FLRT2: variants seen among roughly 807,000 people sequenced by gnomAD.
The protein encoded by FLRT2 is fibronectin leucine rich transmembrane protein 2.
Under a neutral mutation model 40.0 loss-of-function variants are expected in FLRT2, and 15 were observed. That is an observed-to-expected ratio of 0.38 (90% confidence interval 0.25 to 0.58). FLRT2 has a LOEUF of 0.58. FLRT2 is among the 20% of genes least tolerant of loss of function. The pLI, the probability that FLRT2 is intolerant of heterozygous loss-of-function variation, is 0.71. For synonymous variants in FLRT2, 380 were observed against 336.8 expected (o/e 1.13, Z -1.41); for missense variants, 726 against 840.0 (o/e 0.86, Z 1.68).
At chr14:85,581,799 C>T (rs1054048682) in intron 1 of FLRT2, among the ~76,000 whole-genome samples, 1 of 152,114 alleles carries the variant, frequency 6.6e-6, no homozygotes, top group Non-Finnish European at 1.5e-5. Flanking sequence ...TCTTGACCCA[C>T]GTTTCATTTG....
intron 1 of FLRT2, among the ~76,000 whole-genome samples, chr14:85,532,505 G>C (rs937420305): frequency 6.6e-6 from 1 of 152,156 alleles, no homozygotes; most frequent in Admixed American, 6.5e-5. Flanking sequence ...AAGTGGAAAC[G>C]TTGCCTGTAC....
At chr14:85,595,025 T>C (rs1325352958) in intron 1 of FLRT2, among the ~76,000 whole-genome samples, 2 of 152,222 alleles carry the variant, frequency 1.3e-5, no homozygotes, top group Non-Finnish European at 2.9e-5. Flanking sequence ...TATCCTCATC[T>C]TCTTCACATT....
intron 1 of FLRT2, among the ~76,000 whole-genome samples, chr14:85,608,754 C>G (rs1892736656): frequency 1.3e-5 from 2 of 152,198 alleles, no homozygotes; most frequent in South Asian, 4.1e-4. Flanking sequence ...CGACCCTTCT[C>G]TTCTTGGAGG....
rs1595107269 is a variant in FLRT2 at position 85,632,786 on chromosome 14, T to C, written c.*9289T>C. On this transcript the variant is annotated 3_prime_UTR_variant, in exon 2 of 2. Coordinates refer to ENST00000330753, the MANE Select transcript of FLRT2 (RefSeq NM_013231.6). Reference sequence around the variant, plus strand: ...TAAAGAAGGGAGTGGAGAGTGGTAGTTATTAAGAAATCAGTTTGAAATCAA... The same window carrying C: ...TAAAGAAGGGAGTGGAGAGTGGTAGCTATTAAGAAATCAGTTTGAAATCAA... 1.3e-5 allele frequency: 2 copies of C among 152,238 alleles called. No homozygotes were observed. Among genetic ancestry groups the C allele is most frequent in the East Asian group, 3.9e-4 (2 of 5,186 alleles). 9.4% of individuals were successfully genotyped at this position (152,238 alleles called of 1,614,324 possible).
chr14:85,544,068 A>G (rs1200883257), intron 1 of FLRT2, among the ~76,000 whole-genome samples: 1 of 152,192 alleles, frequency 6.6e-6, no homozygotes, highest in Non-Finnish European at 1.5e-5. Context: ...ACACAAGAAG[A>G]TCTTCATAAT....
chr14:85,628,355 G>T lies in FLRT2; in HGVS notation c.*4858G>T, dbSNP rs1040766033. On this transcript the variant is annotated 3_prime_UTR_variant, in exon 2 of 2. Transcript: ENST00000330753. ...CGGTCTTACCATGTTGCCCAGGCTGGTCTCAAACTCCTAGATGCAAGCAAT... is the reference window on the plus strand; with the variant it reads ...CGGTCTTACCATGTTGCCCAGGCTGTTCTCAAACTCCTAGATGCAAGCAAT... 6.6e-6 allele frequency: 1 copy of T among 151,836 alleles called. No individual in the cohort carries two copies. Among genetic ancestry groups the T allele is most frequent in the Non-Finnish European group, 1.5e-5 (1 of 67,980 alleles). The allele number at this position is 151,836 out of a possible 1,614,324, so 9.4% of individuals were successfully genotyped here.
chr14:85,581,645 A>G (rs1218214671), intron 1 of FLRT2, among the ~76,000 whole-genome samples: 1 of 152,224 alleles, frequency 6.6e-6, no homozygotes, highest in Non-Finnish European at 1.5e-5. Flanking sequence ...ATAAAGTAGT[A>G]ACATTATATA....
chr14:85,546,307 C>T (rs1889278437), intron 1 of FLRT2, among the ~76,000 whole-genome samples: 1 of 152,156 alleles, frequency 6.6e-6, no homozygotes, highest in Non-Finnish European at 1.5e-5. Flanking sequence ...TTCCTTAATT[C>T]CTTCACTTCC....
Position 85,623,889 on chromosome 14 carries a change from T to G in FLRT2, c.*392T>G, listed in dbSNP as rs1249871311. On this transcript the variant is annotated 3_prime_UTR_variant, in exon 2 of 2. Coordinates refer to ENST00000330753, the MANE Select transcript of FLRT2 (RefSeq NM_013231.6). ...CTGGTGGTCAGATGAAAGGGCAGAT[T>G]AAATGGACTCATCAGGGTAAGAGGA... 5 of 179,772 alleles carry G rather than the reference T, an allele frequency of 2.8e-5. No homozygotes were observed. The highest frequency in any genetic ancestry group is 1.2e-4 in the African/African-American group (5 of 42,046). 11.1% of individuals were successfully genotyped at this position (179,772 alleles called of 1,614,324 possible). A position where few individuals can be genotyped will look rare whatever the true frequency, so the allele number is the denominator to read the frequency against.
At chr14:85,540,896 C>T (rs946936254) in intron 1 of FLRT2, among the ~76,000 whole-genome samples, 5 of 152,064 alleles carry the variant, frequency 3.3e-5, no homozygotes, top group Admixed American at 2.6e-4. Context: ...TTTGCTACTA[C>T]TTTAAAGAGG....
At chr14:85,532,478 T>G (rs1244361445) in intron 1 of FLRT2, among the ~76,000 whole-genome samples, 1 of 152,200 alleles carries the variant, frequency 6.6e-6, no homozygotes, top group African/African-American at 2.4e-5. Flanking sequence ...CCCTTTAACC[T>G]TTGGAAAGAG....
chr14:85,611,478 A>G (rs1892857841), intron 1 of FLRT2, among the ~76,000 whole-genome samples: 1 of 152,202 alleles, frequency 6.6e-6, no homozygotes, highest in Non-Finnish European at 1.5e-5. Flanking sequence ...TTTTTGAGGA[A>G]ATGGAGGCTC....
At chr14:85,608,183 T>C (rs1892708695) in intron 1 of FLRT2, among the ~76,000 whole-genome samples, 2 of 152,164 alleles carry the variant, frequency 1.3e-5, no homozygotes, top group African/African-American at 2.4e-5. Flanking sequence ...AACAGTTTAG[T>C]CCATTAACAG....
In FLRT2 at chr14:85,622,517, C is replaced by A. The variant is rs745818091; in HGVS notation, c.1003C>A (p.Arg335=). 3 of 1,614,050 alleles carry A rather than the reference C, an allele frequency of 1.9e-6. No individual in the cohort carries two copies. Among genetic ancestry groups the A allele is most frequent in the East Asian group, 2.2e-5 (1 of 44,864 alleles). Residue 335 remains arginine (R), a synonymous_variant, in exon 2 of 2, where the codon CGG becomes AGG. Transcript: ENST00000330753. ...LKYIPSSLNV[R]GFMCQGPEQV... ...ATATATCCCTTCATCTCTCAACGTG[C>A]GGGGTTTCATGTGCCAAGGTCCTGA...
Position 85,647,668 on chromosome 14 carries a change from C to CAGAT in FLRT2, c.*24172_*24173insGATA, listed in dbSNP as rs1450488291. ...TATTAAGGAGAGTAAGTTTTTCCTACAAAGAGATGTATGTATGGGACCCAG... is the reference window on the plus strand; with the variant it reads ...TATTAAGGAGAGTAAGTTTTTCCTACAGATAAAGAGATGTATGTATGGGACCCAG... On this transcript the variant is annotated 3_prime_UTR_variant, in exon 2 of 2. Coordinates refer to ENST00000330753, the MANE Select transcript of FLRT2 (RefSeq NM_013231.6). The CAGAT allele has an allele frequency of 6.6e-6, 1 of 150,682 alleles. No individual in the cohort carries two copies. Among genetic ancestry groups the CAGAT allele is most frequent in the African/African-American group, 2.5e-5 (1 of 40,164 alleles). 9.3% of individuals were successfully genotyped at this position (150,682 alleles called of 1,614,324 possible). A position where few individuals can be genotyped will look rare whatever the true frequency, so the allele number is the denominator to read the frequency against.
chr14:85,549,928 A>C (rs138160164), intron 1 of FLRT2, among the ~76,000 whole-genome samples: 1 of 151,794 alleles, frequency 6.6e-6, no homozygotes, highest in Non-Finnish European at 1.5e-5. Flanking sequence ...TCTTTTTAAC[A>C]ATATTTATTT....
chr14:85,650,288 A>G lies in FLRT2; in HGVS notation c.*26791A>G, dbSNP rs1894403663. On this transcript the variant is annotated 3_prime_UTR_variant, in exon 2 of 2. Coordinates refer to ENST00000330753, the MANE Select transcript of FLRT2 (RefSeq NM_013231.6). ...ATTTCCATGTTCCTTTAATTCATTCATTGGCAATACAGTATAATATGTTAT... is the reference window on the plus strand; with the variant it reads ...ATTTCCATGTTCCTTTAATTCATTCGTTGGCAATACAGTATAATATGTTAT... The G allele has an allele frequency of 6.6e-6, 1 of 151,844 alleles. No individual in the cohort carries two copies. The allele number at this position is 151,844 out of a possible 1,614,324, so 9.4% of individuals were successfully genotyped here. A position where few individuals can be genotyped will look rare whatever the true frequency, so the allele number is the denominator to read the frequency against.
At chr14:85,550,849 T>C (rs755706122) in intron 1 of FLRT2, among the ~76,000 whole-genome samples, 1 of 152,208 alleles carries the variant, frequency 6.6e-6, no homozygotes, top group African/African-American at 2.4e-5. Flanking sequence ...GGGGGTTTCA[T>C]TGGAAAATTG....
chr14:85,591,461 A>G lies in FLRT2; in HGVS notation c.-376-29678A>G, dbSNP rs538796622. On this transcript the variant is annotated intron_variant, in intron 1 of 1. Transcript: ENST00000330753. ...CTGAGGACACATCTTGCCCTTTTCCAGTATAGATATGTTTGAAGTACATTG... is the reference window on the plus strand; with the variant it reads ...CTGAGGACACATCTTGCCCTTTTCCGGTATAGATATGTTTGAAGTACATTG... Among the ~76,000 whole-genome samples the G allele has an allele frequency of 3.3e-5, 5 of 152,330 alleles. No homozygotes were observed. The East Asian group carries it at 9.7e-4, about 29-fold the overall frequency.
Sources: allele counts gnomAD v4.1 joint callset (sites outside exome capture counted in the v4.1 genomes callset), GRCh38; gene constraint gnomAD v4.1.1; transcripts MANE v1.5; gene names NCBI Gene and HGNC (gene_info 2026-07-23, HGNC 2026-07-21).